DMD: variants seen among roughly 807,000 people sequenced by gnomAD.
DMD encodes mutant dystrophin.
Under a neutral mutation model 330.1 loss-of-function variants are expected in DMD, and 63 were observed. That is an observed-to-expected ratio of 0.19 (90% confidence interval 0.16 to 0.24). The LOEUF is 0.24. DMD is among the 10% of genes least tolerant of loss of function. The pLI is 1.00. For synonymous variants in DMD, 1,223 were observed against 959.8 expected (o/e 1.27, Z -5.07); for missense variants, 3,344 against 2,684.1 (o/e 1.25, Z -5.43).
intron 60 of DMD, among the ~76,000 whole-genome samples, chrX:31,369,926 C>T (rs1360104514): frequency 2.7e-5 from 3 of 109,515 alleles, no homozygotes; most frequent in East Asian, 5.7e-4. Context: ...GGTGAAACCC[C>T]GTCTCTACTA....
intron 55 of DMD, among the ~76,000 whole-genome samples, chrX:31,508,779 G>GT (rs767835823): frequency 0.036 from 3,897 of 108,048 alleles, 94 homozygotes; most frequent in African/African-American, 0.089. Context: ...AACTAGAAAA[G>GT]TTTTTTTTTT....
At position 32,058,548 on chromosome X, in the gene DMD, G is replaced by A. The variant is rs750887864; in HGVS notation, c.6439-90034C>T. On this transcript the variant is annotated intron_variant, in intron 44 of 78. Coordinates refer to ENST00000357033, the MANE Select transcript of DMD (RefSeq NM_004006.3). Reference sequence around the variant, plus strand: ...ATCCACAATGATATACTACCTCACGGATTAGGATAACCATTATTAAAAAAA... The same window carrying A: ...ATCCACAATGATATACTACCTCACGAATTAGGATAACCATTATTAAAAAAA... 9.1e-5 allele frequency among the ~76,000 whole-genome samples: 9 copies of A among 98,958 alleles called. No individual in the cohort carries two copies. In the South Asian group the frequency reaches 4.0e-3, roughly 44 times the overall value. The allele number at this position is 98,958 out of a possible 115,157, so 85.9% of individuals were successfully genotyped here. A position where few individuals can be genotyped will look rare whatever the true frequency, so the allele number is the denominator to read the frequency against.
At position 32,697,819 on chromosome X, in the gene DMD, TC is replaced by T. The variant is rs72470512; in HGVS notation, c.960+50del. 12,631 of 1,202,413 alleles carry T rather than the reference TC, an allele frequency of 0.011. 782 individuals carry two copies. The African/African-American group carries it at 0.19, about 18-fold the overall frequency. ...AGCAAGTAAAAGCAGTGTTAGATTA[TC>T]TTGGAAGCAGTTCTCTGGTTTGTAC... On this transcript the variant is annotated intron_variant, in intron 9 of 78. Transcript: ENST00000357033.
rs1390439062 is a variant in DMD, at chrX:33,009,687, T to TACAC, written c.93+10451_93+10452insGTGT. 1.4e-4 allele frequency among the ~76,000 whole-genome samples: 7 copies of TACAC among 50,069 alleles called. 1 individual carries two copies. Among genetic ancestry groups the TACAC allele is most frequent in the African/African-American group, 3.6e-4 (6 of 16,850 alleles). 43.5% of individuals were successfully genotyped at this position (50,069 alleles called of 115,157 possible). ...ATATGTGTATACGTATATGTGTATA[T>TACAC]GCACATATGTGTGTATACGTATATG... On this transcript the variant is annotated intron_variant, in intron 2 of 78. Coordinates refer to ENST00000357033, the MANE Select transcript of DMD (RefSeq NM_004006.3).
At chrX:33,230,969 A>T (rs5972785) in intron 1 of DMD, among the ~76,000 whole-genome samples, 10,982 of 105,514 alleles carry the variant, frequency 0.1, 582 homozygotes, top group African/African-American at 0.24. Context: ...AAAAAAAAAA[A>T]AAATAAATAA....
chrX:32,609,358 C>T lies in DMD; in HGVS notation c.1482+4945G>A, dbSNP rs766523484. 5.4e-3 allele frequency among the ~76,000 whole-genome samples: 599 copies of T among 110,996 alleles called. 2 individuals are homozygous for T. Among genetic ancestry groups the T allele is most frequent in the Middle Eastern group, 0.028 (6 of 218 alleles). On this transcript the variant is annotated intron_variant, in intron 12 of 78. Transcript: ENST00000357033. ...TTTAATTTCTCATGAATAATGGTTT[C>T]CTGTTACTCATAGAACTACTACTGC...
chrX:33,328,854 T>A (rs770702254), intron 1 of DMD, among the ~76,000 whole-genome samples: 6 of 111,682 alleles, frequency 5.4e-5, no homozygotes, highest in Non-Finnish European at 1.1e-4. Flanking sequence ...TATTCTTTAA[T>A]GGTCTCCGGG....
chrX:31,292,352 G>A (rs981369007), intron 62 of DMD, among the ~76,000 whole-genome samples: 1 of 111,710 alleles, frequency 9.0e-6, no homozygotes, highest in South Asian at 3.7e-4. Context: ...ATAAATACAC[G>A]TAAAAATATT....
chrX:31,622,171 T>C (rs2078567522), intron 55 of DMD, among the ~76,000 whole-genome samples: 1 of 111,680 alleles, frequency 9.0e-6, no homozygotes, highest in African/African-American at 3.3e-5. Flanking sequence ...ATAATGCTAT[T>C]ATAATTTTGT....
chrX:31,734,776 A>G (rs1420280466), intron 51 of DMD, among the ~76,000 whole-genome samples: 1 of 111,720 alleles, frequency 9.0e-6, no homozygotes, highest in Non-Finnish European at 1.9e-5. Flanking sequence ...ATGGTAGGGG[A>G]AACATGGAGA....
intron 25 of DMD, among the ~76,000 whole-genome samples, chrX:32,460,079 A>C (rs890744294): frequency 6.4e-5 from 7 of 110,011 alleles, no homozygotes; most frequent in African/African-American, 2.4e-4. Flanking sequence ...CTGAACAGTT[A>C]TTTCCAAAAG....
chrX:32,614,527 T>G, intron 11 of DMD, 74 bp from the exon 12 acceptor site: 1 of 893,796 alleles, frequency 1.1e-6, no homozygotes, highest in Non-Finnish European at 1.6e-6. Context: ...TGTAAAACAA[T>G]AGAATTTATA....
rs1348131883 is a variant in DMD at position 31,774,154 on chromosome X, C to G, written c.7348G>C (p.Val2450Leu). 4 of 1,207,885 alleles carry G rather than the reference C, an allele frequency of 3.3e-6. No individual in the cohort carries two copies. The highest frequency in any genetic ancestry group is 4.5e-6 in the Non-Finnish European group (4 of 894,212). Residue 2450 changes from valine (V) to leucine (L), a missense_variant, in exon 51 of 79, where the codon GTT (valine) becomes CTT (leucine). By Grantham distance (32) the Val-to-Leu change is conservative (BLOSUM62 1). Transcript: ENST00000357033. ...TTGGAGATGGCAGTTTCCTTAGTAA[C>G]CACAGGTTGTGTCACCAGAGTAACA... Reference protein sequence around the residue: ...QTVTLVTQPVVTKETAISKLE... With the variant: ...QTVTLVTQPVLTKETAISKLE...
At chrX:33,254,488 T>C (rs1319209270) in intron 1 of DMD, among the ~76,000 whole-genome samples, 1 of 110,598 alleles carries the variant, frequency 9.0e-6, no homozygotes, top group Non-Finnish European at 1.9e-5. Flanking sequence ...AATTTTCACT[T>C]GCGACCTTAG....
At chrX:32,660,259 T>A (rs1437988464) in intron 9 of DMD, among the ~76,000 whole-genome samples, 1 of 110,534 alleles carries the variant, frequency 9.0e-6, no homozygotes, top group Non-Finnish European at 1.9e-5. Context: ...AAACTCAAAA[T>A]CAGGGTGGGC....
intron 1 of DMD, among the ~76,000 whole-genome samples, chrX:33,222,867 A>C (rs2052207814): frequency 8.9e-6 from 1 of 112,182 alleles, no homozygotes; most frequent in African/African-American, 3.2e-5. Context: ...ATGGATGGGA[A>C]GGCTCAATAT....
At chrX:32,839,116 G>A (rs2079923037) in intron 4 of DMD, among the ~76,000 whole-genome samples, 1 of 111,000 alleles carries the variant, frequency 9.0e-6, no homozygotes. Flanking sequence ...GAGTCCAAAT[G>A]CCAACAATGG....
chrX:33,081,945 T>C (rs2094935772), intron 1 of DMD, among the ~76,000 whole-genome samples: 1 of 108,913 alleles, frequency 9.2e-6, no homozygotes, highest in African/African-American at 3.4e-5. Flanking sequence ...ATTCCTGGGG[T>C]TTCATGTGGA....
At chrX:31,164,126 A>G (rs146639943) in intron 74 of DMD, among the ~76,000 whole-genome samples, 1 of 112,144 alleles carries the variant, frequency 8.9e-6, no homozygotes, top group African/African-American at 3.2e-5. Flanking sequence ...TACACACTTT[A>G]ATGTTCACAT....
Sources: gnomAD v4.1 joint callset for allele counts (sites outside exome capture counted in the v4.1 genomes callset) on GRCh38, gnomAD v4.1.1 for gene constraint, MANE v1.5 for transcripts, NCBI Gene and HGNC (gene_info 2026-07-23, HGNC 2026-07-21) for gene names.